The following PDAP1 variants were observed in gnomAD, a reference collection of about 807,000 sequenced individuals.
PDAP1 encodes 28 kDa heat- and acid-stable phosphoprotein.
Under a neutral mutation model 28.0 loss-of-function variants are expected in PDAP1, and 13 were observed. The observed-to-expected ratio is 0.46, with a 90% CI of 0.30 to 0.74. The LOEUF is 0.74. Ranked by LOEUF, PDAP1 falls within the 30% of genes least tolerant of loss-of-function variation. The pLI, the probability that PDAP1 is intolerant of heterozygous loss-of-function variation, is 0.07. For synonymous variants in PDAP1, 77 were observed against 85.1 expected (o/e 0.91, Z 0.52); for missense variants, 150 against 230.0 (o/e 0.65, Z 2.25).
intron 2 of PDAP1, 46 bp from the exon 3 acceptor site, chr7:99,403,551 A>C: frequency 8.2e-7 from 1 of 1,221,514 alleles, no homozygotes; most frequent in Non-Finnish European, 1.2e-6. Flanking sequence ...TGCAAAACAA[A>C]TCCCCAAGAC....
At chr7:99,400,259 TG>T in intron 4 of PDAP1, 43 bp downstream of exon 4, 1 of 1,609,510 alleles carries the variant, frequency 6.2e-7, no homozygotes, top group Non-Finnish European at 8.5e-7. Flanking sequence ...GGCCAACTGC[TG>T]GCCTGTATTC....
At chr7:99,399,333 T>C (rs963762615) in intron 4 of PDAP1, among the ~76,000 whole-genome samples, 2 of 152,126 alleles carry the variant, frequency 1.3e-5, no homozygotes, top group Non-Finnish European at 2.9e-5. Flanking sequence ...TCAGGAATGA[T>C]GACTAAGGCA....
rs1431316944 is a variant in PDAP1, at chr7:99,397,857, C to G, written c.487+5G>C. ...CTGTCCCTGCGTGCGCAGCCCAGCC[C>G]TTACCTTTCCTTTCCTCTTCCTTCT... On this transcript the variant is annotated splice_donor_5th_base_variant and intron_variant, in intron 5 of 5. Transcript: ENST00000350498. 6.2e-7 allele frequency: 1 copy of G among 1,612,312 alleles called. No homozygotes were observed. Among genetic ancestry groups the G allele is most frequent in the South Asian group, 1.1e-5 (1 of 90,998 alleles).
chr7:99,404,822 C>T (rs757890990), intron 2 of PDAP1, 40 bp downstream of exon 2: 2 of 1,542,182 alleles, frequency 1.3e-6, no homozygotes, highest in East Asian at 2.2e-5. Flanking sequence ...CAAAGCGCCA[C>T]CCTGGGCCAC....
Position 99,395,693 on chromosome 7 carries a change from A to ACAGGC in PDAP1, c.*984_*988dup, listed in dbSNP as rs996509066. On this transcript the variant is annotated 3_prime_UTR_variant, in exon 6 of 6. Coordinates refer to ENST00000350498, the MANE Select transcript of PDAP1 (RefSeq NM_014891.7). ...GAATTATAACCACCAGGGGACACCT[A>ACAGGC]CAGGCCAGGCCAGGCCAGGATCCTG... is the stretch of plus-strand genomic sequence containing the variant. 52 of 152,288 alleles carry ACAGGC rather than the reference A, an allele frequency of 3.4e-4. No individual in the cohort carries two copies. The highest frequency in any genetic ancestry group is 1.2e-3 in the African/African-American group (48 of 41,536). 9.4% of individuals were successfully genotyped at this position (152,288 alleles called of 1,614,324 possible).
At chr7:99,403,023 C>G (rs1433024025) in intron 3 of PDAP1, among the ~76,000 whole-genome samples, 1 of 152,214 alleles carries the variant, frequency 6.6e-6, no homozygotes, top group East Asian at 1.9e-4. Context: ...TGGCCCCCTT[C>G]TGGTCCTTGA....
intron 3 of PDAP1, 31 bp from the exon 4 acceptor site, chr7:99,400,455 G>A (rs1794843349): frequency 1.9e-6 from 3 of 1,613,476 alleles, no homozygotes; most frequent in Non-Finnish European, 1.7e-6. Flanking sequence ...GGTTGTTGGA[G>A]TTCAGGTCCT....
chr7:99,399,939 A>G (rs1584419352), intron 4 of PDAP1, among the ~76,000 whole-genome samples: 1 of 152,154 alleles, frequency 6.6e-6, no homozygotes, highest in South Asian at 2.1e-4. Flanking sequence ...GCCCCCTTCC[A>G]GTCCCCATGG....
intron 2 of PDAP1, among the ~76,000 whole-genome samples, chr7:99,404,428 C>T (rs577715987): frequency 2.3e-4 from 35 of 152,252 alleles, no homozygotes; most frequent in East Asian, 1.9e-3. Flanking sequence ...GGCTAAACAA[C>T]GTCTCCAGGG....
chr7:99,402,900 AAG>A (rs1334664654), intron 3 of PDAP1, among the ~76,000 whole-genome samples: 18 of 149,978 alleles, frequency 1.2e-4, no homozygotes, highest in African/African-American at 4.0e-4. Context: ...AAAAAAAGAA[AAG>A]AAAAGAAAAG....
In PDAP1 at chr7:99,401,530, G is replaced by GA. The variant is rs1794866516; in HGVS notation, c.214-1107_214-1106insT. Reference sequence around the variant, plus strand: ...AGTAGAGACAGGTTTTCTCCATGTTGGTCAGGCTGGTCTCGAAATCTCGAC... The same window carrying GA: ...AGTAGAGACAGGTTTTCTCCATGTTGAGTCAGGCTGGTCTCGAAATCTCGAC... On this transcript the variant is annotated intron_variant, in intron 3 of 5. Coordinates refer to ENST00000350498, the MANE Select transcript of PDAP1 (RefSeq NM_014891.7). Among the ~76,000 whole-genome samples, 4 of 152,012 alleles carry GA rather than the reference G, an allele frequency of 2.6e-5. No homozygotes were observed. In the South Asian group the frequency reaches 8.3e-4, roughly 32 times the overall value.
At chr7:99,406,067 G>C (rs908835585) in intron 1 of PDAP1, among the ~76,000 whole-genome samples, 3 of 152,170 alleles carry the variant, frequency 2.0e-5, no homozygotes, top group Admixed American at 2.0e-4. Flanking sequence ...TGGTCAACAT[G>C]GTGAAACCCC....
At chr7:99,407,287 T>C (rs1338155305) in intron 1 of PDAP1, among the ~76,000 whole-genome samples, 1 of 152,250 alleles carries the variant, frequency 6.6e-6, no homozygotes, top group Non-Finnish European at 1.5e-5. Flanking sequence ...TTTAAGGTTT[T>C]ATCGTTGTAA....
chr7:99,405,359 CTTTTTTTT>C (rs869126629), intron 1 of PDAP1, among the ~76,000 whole-genome samples: 2 of 137,044 alleles, frequency 1.5e-5, no homozygotes, highest in Admixed American at 7.3e-5. Flanking sequence ...GCCAGGGGCA[CTTTTTTTT>C]TTTTTTTTTT....
chr7:99,404,706 T>G (rs569961440), intron 2 of PDAP1, among the ~76,000 whole-genome samples, 156 bp downstream of exon 2: 9 of 152,284 alleles, frequency 5.9e-5, no homozygotes, highest in African/African-American at 1.9e-4. Context: ...TGTCATTGGT[T>G]GTTCTGAGAC....
rs144679421 is a variant in PDAP1, at chr7:99,397,995, C to T, written c.354G>A (p.Gln118=). The change falls in exon 5 of 6, where the codon CAG becomes CAA. Residue 118 remains glutamine, a synonymous_variant. Transcript: ENST00000350498. ...TTTTCATGTAACGCTCTTTTGCCTT[C>T]TGCTTCTCAATCTCTTCTCTGTGTG... ...SRREREEIEK[Q]KAKERYMKMH... 320 of 1,614,244 alleles carry T rather than the reference C, an allele frequency of 2.0e-4. No homozygotes were observed. In the African/African-American group the frequency reaches 3.8e-3, roughly 19 times the overall value.
At position 99,403,443 on chromosome 7, in the gene PDAP1, T is replaced by C. The variant is rs745493043; in HGVS notation, c.168A>G (p.Lys56=). 3 of 1,612,056 alleles carry C rather than the reference T, an allele frequency of 1.9e-6. No individual in the cohort carries two copies. Among genetic ancestry groups the C allele is most frequent in the South Asian group, 1.1e-5 (1 of 91,048 alleles). ...GAAGDPKKEK[K]SLDSDESEDE... ...CCTCACTCTCATCTGAGTCTAGAGA[T>C]TTCTTCTCCTTTTTGGGGTCACCTG... is the stretch of plus-strand genomic sequence containing the variant. The change falls in exon 3 of 6, where the codon AAA becomes AAG. Residue 56 remains lysine, a synonymous_variant. Coordinates refer to ENST00000350498, the MANE Select transcript of PDAP1 (RefSeq NM_014891.7).
chr7:99,402,759 G>C (rs576631338), intron 3 of PDAP1, among the ~76,000 whole-genome samples: 10 of 151,186 alleles, frequency 6.6e-5, no homozygotes, highest in Non-Finnish European at 1.3e-4. Context: ...GCAGGCGCCT[G>C]TAGTCCCAGC....
At chr7:99,406,312 C>G (rs1440781430) in intron 1 of PDAP1, among the ~76,000 whole-genome samples, 1 of 151,972 alleles carries the variant, frequency 6.6e-6, no homozygotes, top group Non-Finnish European at 1.5e-5. Context: ...GGAAAAACAA[C>G]AACAAAAGCA....
Sources: gnomAD v4.1 joint callset for allele counts (sites outside exome capture counted in the v4.1 genomes callset) on GRCh38, gnomAD v4.1.1 for gene constraint, MANE v1.5 for transcripts, NCBI Gene and HGNC (gene_info 2026-07-23, HGNC 2026-07-21) for gene names.